The following NRG2 variants were observed in gnomAD, a reference collection of about 807,000 sequenced individuals.
NRG2 encodes the protein pro-neuregulin-2, membrane-bound isoform.
Under a neutral mutation model 73.9 loss-of-function variants are expected in NRG2, and 27 were observed. The ratio of observed to expected loss-of-function variants is 0.37; its 90% CI spans 0.27 to 0.50. The LOEUF is 0.50. Among genes scored for constraint, NRG2 ranks in the 20% least tolerant of loss-of-function variants. NRG2 has a pLI of 0.96. For missense variants in NRG2, 1,126 were observed against 1,210.1 expected (o/e 0.93, Z 1.03); for synonymous variants, 532 against 541.0 (o/e 0.98, Z 0.23).
Position 139,865,036 on chromosome 5 carries a change from G to A in NRG2, c.1189+513C>T, listed in dbSNP as rs1762393282. 1 of 1,249,168 alleles carries A rather than the reference G, an allele frequency of 8.0e-7. No homozygotes were observed. The highest frequency in any genetic ancestry group is 1.2e-6 in the Non-Finnish European group (1 of 848,132). The allele number at this position is 1,249,168 out of a possible 1,614,324, so 77.4% of individuals were successfully genotyped here. On this transcript the variant is annotated intron_variant, in intron 5 of 9. Coordinates refer to ENST00000361474, the MANE Select transcript of NRG2 (RefSeq NM_004883.3). This position sits in a 1 kb window ranked among gnomAD's most constrained non-coding sequence, Gnocchi z 5.2. ...ACCCTCTACATCTCCCCCTAGTCTT[G>A]CTAAGCAAGGCCCCATCCCTCCCCA...
chr5:139,881,605 C>T (rs1347721526), intron 2 of NRG2, among the ~76,000 whole-genome samples: 1 of 152,196 alleles, frequency 6.6e-6, no homozygotes, highest in African/African-American at 2.4e-5. Context: ...CCTTGGGGAA[C>T]AAAAAGATCC....
chr5:139,885,931 AAG>A (rs1369160375), intron 2 of NRG2, among the ~76,000 whole-genome samples: 20 of 152,230 alleles, frequency 1.3e-4, no homozygotes, highest in Admixed American at 1.0e-3. Context: ...CCCCAGCTCC[AAG>A]AAGCCTGCCC....
chr5:139,847,695 G>T lies in NRG2; in HGVS notation c.*222C>A. 1 of 359,940 alleles carries T rather than the reference G, an allele frequency of 2.8e-6. No individual in the cohort carries two copies. Among genetic ancestry groups the T allele is most frequent in the Non-Finnish European group, 4.9e-6 (1 of 203,830 alleles). 22.3% of individuals were successfully genotyped at this position (359,940 alleles called of 1,614,324 possible). Reference sequence around the variant, plus strand: ...TTTTTCCGAAGCTGTAAATCAGGATGTTACATATAAATAGTTTCCCTATAA... The same window carrying T: ...TTTTTCCGAAGCTGTAAATCAGGATTTTACATATAAATAGTTTCCCTATAA... On this transcript the variant is annotated 3_prime_UTR_variant, in exon 10 of 10. Transcript: ENST00000361474.
intron 1 of NRG2, among the ~76,000 whole-genome samples, chr5:139,914,683 C>G (rs1461447060): frequency 6.6e-6 from 1 of 152,200 alleles, no homozygotes; most frequent in Non-Finnish European, 1.5e-5. Context: ...TATTTTTGCC[C>G]AGAGGTATGA....
At chr5:139,998,636 G>A (rs1425306434) in intron 1 of NRG2, among the ~76,000 whole-genome samples, 1 of 152,190 alleles carries the variant, frequency 6.6e-6, no homozygotes, top group African/African-American at 2.4e-5. Flanking sequence ...GTCACCAAAA[G>A]TAGAGAATCT....
At chr5:139,980,244 T>C (rs1756690406) in intron 1 of NRG2, among the ~76,000 whole-genome samples, 1 of 152,008 alleles carries the variant, frequency 6.6e-6, no homozygotes, top group Non-Finnish European at 1.5e-5. Context: ...AGCTCTCTCC[T>C]GACTCTTGAA....
At chr5:140,028,967 A>T (rs1417647830) in intron 1 of NRG2, among the ~76,000 whole-genome samples, 1 of 152,060 alleles carries the variant, frequency 6.6e-6, no homozygotes, top group Non-Finnish European at 1.5e-5. Context: ...ACCCGGCTAC[A>T]CTCCCAGATG....
chr5:139,871,914 G>A, intron 3 of NRG2, 73 bp from the exon 4 acceptor site: 3 of 1,558,824 alleles, frequency 1.9e-6, no homozygotes, highest in Non-Finnish European at 2.6e-6. Flanking sequence ...TCTCCTTCAT[G>A]CCCCACGTCA....
At chr5:139,920,298 AAAAGT>A (rs1751562275) in intron 1 of NRG2, among the ~76,000 whole-genome samples, 1 of 152,226 alleles carries the variant, frequency 6.6e-6, no homozygotes, top group Non-Finnish European at 1.5e-5. Flanking sequence ...AGTTAAAAGT[AAAAGT>A]AAAGTTCTTA....
chr5:139,869,054 G>C lies in NRG2; in HGVS notation c.1112+2667C>G, dbSNP rs1001016819. Among the ~76,000 whole-genome samples, 1 of 152,118 alleles carries C rather than the reference G, an allele frequency of 6.6e-6. No homozygotes were observed. The highest frequency in any genetic ancestry group is 2.4e-5 in the African/African-American group (1 of 41,416). ...AGCAAGAGGGAGTGCAGAGGCCCCT[G>C]TCTGGCCCAGACAGGGGACAGTCAC... On this transcript the variant is annotated intron_variant, in intron 4 of 9. Transcript: ENST00000361474. This position sits in a 1 kb window ranked among gnomAD's most constrained non-coding sequence, Gnocchi z 4.5.
In NRG2 at chr5:139,954,846, G is replaced by C. The variant is rs1754498232; in HGVS notation, c.701-67335C>G. Among the ~76,000 whole-genome samples the C allele has an allele frequency of 6.6e-6, 1 of 152,170 alleles. No homozygotes were observed. The highest frequency in any genetic ancestry group is 2.4e-5 in the African/African-American group (1 of 41,428). ...TGTAAGGATAAATTAGAAAATGCTT[G>C]GAACAGAGCCTGGCACACAGTAAAC... is the stretch of plus-strand genomic sequence containing the variant. On this transcript the variant is annotated intron_variant, in intron 1 of 9. Transcript: ENST00000361474. The surrounding 1 kb of genome is among the most constrained non-coding windows in gnomAD (Gnocchi z 5.0).
At chr5:140,006,766 C>T (rs567046706) in intron 1 of NRG2, among the ~76,000 whole-genome samples, 6 of 152,276 alleles carry the variant, frequency 3.9e-5, no homozygotes, top group Admixed American at 3.9e-4. Context: ...GAGATGCCAA[C>T]AGATCCTTTA....
intron 1 of NRG2, among the ~76,000 whole-genome samples, chr5:139,950,930 C>T (rs1301990289): frequency 1.3e-5 from 2 of 152,264 alleles, no homozygotes; most frequent in Non-Finnish European, 2.9e-5. Flanking sequence ...AGTCAGTATC[C>T]TGGCCACTGC....
rs1761414506 is a variant in NRG2, at chr5:139,851,523, A to C, written c.1772+81T>G. 7.5e-7 allele frequency: 1 copy of C among 1,332,254 alleles called. No homozygotes were observed. The highest frequency in any genetic ancestry group is 1.4e-5 in the African/African-American group (1 of 69,128). The allele number at this position is 1,332,254 out of a possible 1,614,324, so 82.5% of individuals were successfully genotyped here. ...GATGAGGCTCTTTGGAGTGTTTCTG[A>C]GGGGCCCTAAGGGTCAGCCTTGGGC... On this transcript the variant is annotated intron_variant, in intron 9 of 9. Coordinates refer to ENST00000361474, the MANE Select transcript of NRG2 (RefSeq NM_004883.3). This position sits in a 1 kb window ranked among gnomAD's most constrained non-coding sequence, Gnocchi z 4.2.
chr5:139,982,127 A>C (rs1756848776), intron 1 of NRG2, among the ~76,000 whole-genome samples: 1 of 152,132 alleles, frequency 6.6e-6, no homozygotes, highest in African/African-American at 2.4e-5. Context: ...ATGGCTTCCC[A>C]CACCTCCTCA....
intron 1 of NRG2, among the ~76,000 whole-genome samples, chr5:140,019,983 A>G (rs979219488): frequency 3.3e-5 from 5 of 152,084 alleles, no homozygotes; most frequent in African/African-American, 1.2e-4. Flanking sequence ...CAAACTCCTG[A>G]TCTCAGATGT....
At chr5:139,917,769 C>T (rs971879580) in intron 1 of NRG2, among the ~76,000 whole-genome samples, 1 of 151,906 alleles carries the variant, frequency 6.6e-6, no homozygotes, top group Non-Finnish European at 1.5e-5. Context: ...TGTAAGAGCT[C>T]TTTATATATT....
rs536184489 is a variant in NRG2, at chr5:139,852,118, CT to C, written c.1545-288del. On this transcript the variant is annotated intron_variant, in intron 8 of 9. Transcript: ENST00000361474. This position sits in a 1 kb window ranked among gnomAD's most constrained non-coding sequence, Gnocchi z 4.4. ...TTACCTTAGACCCCCTGTCTGGGACCTTTCCACCACCGTGGTCCTTAGCTAC... is the reference window on the plus strand; with the variant it reads ...TTACCTTAGACCCCCTGTCTGGGACCTTCCACCACCGTGGTCCTTAGCTAC... Among the ~76,000 whole-genome samples the C allele has an allele frequency of 3.9e-5, 6 of 152,212 alleles. No homozygotes were observed. In the South Asian group the frequency reaches 1.2e-3, roughly 32 times the overall value.
At chr5:139,967,582 C>T (rs762214472) in intron 1 of NRG2, among the ~76,000 whole-genome samples, 2 of 152,136 alleles carry the variant, frequency 1.3e-5, no homozygotes, top group Non-Finnish European at 2.9e-5. Flanking sequence ...ACTGAAGATC[C>T]CTCAGATGCA....
Sources: allele counts gnomAD v4.1 joint callset (sites outside exome capture counted in the v4.1 genomes callset), GRCh38; gene constraint gnomAD v4.1.1; non-coding constraint Gnocchi (gnomAD v3.1); transcripts MANE v1.5; gene names NCBI Gene and HGNC (gene_info 2026-07-23, HGNC 2026-07-21).